ROBO2: variants seen among roughly 807,000 people sequenced by gnomAD.
ROBO2 encodes roundabout guidance receptor 2.
ROBO2 carries 53 observed loss-of-function variants against 160.8 expected under a neutral mutation model. The ratio of observed to expected loss-of-function variants is 0.33; its 90% confidence interval spans 0.26 to 0.41. The LOEUF is 0.41. Ranked by LOEUF, ROBO2 falls within the 10% of genes least tolerant of loss-of-function variation. The pLI, the probability that ROBO2 is intolerant of heterozygous loss-of-function variation, is 1.00. For missense variants in ROBO2, 1,577 were observed against 1,722.4 expected, an observed-to-expected ratio of 0.92 and a Z score of 1.49; for synonymous variants, 664 against 611.7, an observed-to-expected ratio of 1.09 and a Z score of -1.26.
At chr3:77,214,616 G>A (rs2084668630) in intron 2 of ROBO2, among the ~76,000 whole-genome samples, 1 of 152,184 alleles carries the variant, frequency 6.6e-6, no homozygotes, top group African/African-American at 2.4e-5. Flanking sequence ...ATTTGAACCT[G>A]TCATTATGAT....
intron 7 of ROBO2, among the ~76,000 whole-genome samples, chr3:77,549,195 A>G (rs934204205): frequency 5.3e-5 from 8 of 151,924 alleles, no homozygotes; most frequent in Non-Finnish European, 1.2e-4. Flanking sequence ...TTTCCATGTC[A>G]ACGAATCATT....
chr3:76,579,108 T>C (rs145817709), intron 2 of ROBO2, among the ~76,000 whole-genome samples: 4,509 of 152,204 alleles, frequency 0.03, 80 homozygotes, highest in Non-Finnish European at 0.042. Context: ...CTCCCTATAT[T>C]TTCTTTTATA....
chr3:76,657,819 G>A (rs1207988435), intron 2 of ROBO2, among the ~76,000 whole-genome samples: 1 of 147,624 alleles, frequency 6.8e-6, no homozygotes, highest in East Asian at 2.0e-4. Flanking sequence ...TATATATAGT[G>A]TGTATATATA....
intron 1 of ROBO2, among the ~76,000 whole-genome samples, chr3:77,093,623 G>A (rs1001553133): frequency 6.6e-6 from 1 of 152,084 alleles, no homozygotes; most frequent in East Asian, 1.9e-4. Flanking sequence ...TGGGTCCATC[G>A]TAAAGACCAC....
intron 2 of ROBO2, among the ~76,000 whole-genome samples, chr3:77,004,915 A>C (rs993626676): frequency 2.0e-5 from 3 of 152,108 alleles, no homozygotes; most frequent in Admixed American, 1.3e-4. Flanking sequence ...CCAAGGAAGA[A>C]AATGTGGTCA....
At chr3:77,204,553 GT>G (rs1259730997) in intron 2 of ROBO2, among the ~76,000 whole-genome samples, 2 of 151,964 alleles carry the variant, frequency 1.3e-5, no homozygotes, top group Admixed American at 1.3e-4. Context: ...ATATGTTTAA[GT>G]TTGTATTTTG....
intron 2 of ROBO2, among the ~76,000 whole-genome samples, chr3:77,461,046 C>A (rs1207981949): frequency 6.6e-6 from 1 of 151,932 alleles, no homozygotes; most frequent in Non-Finnish European, 1.5e-5. Flanking sequence ...TTTTCAATTA[C>A]TAATAAACAC....
chr3:76,076,195 A>G (rs1029764802), intron 2 of ROBO2, among the ~76,000 whole-genome samples: 2 of 152,166 alleles, frequency 1.3e-5, no homozygotes, highest in Non-Finnish European at 2.9e-5. Context: ...TTTGAGATCA[A>G]TTGCATCCAT....
At chr3:77,229,287 T>C (rs1447542630) in intron 2 of ROBO2, among the ~76,000 whole-genome samples, 1 of 151,940 alleles carries the variant, frequency 6.6e-6, no homozygotes, top group African/African-American at 2.4e-5. Context: ...CTCCCCAGAG[T>C]AGTATTAATA....
intron 1 of ROBO2, among the ~76,000 whole-genome samples, chr3:77,085,175 C>T (rs2069141051): frequency 1.3e-5 from 2 of 152,082 alleles, no homozygotes; most frequent in African/African-American, 4.8e-5. Context: ...TTTGCATAGC[C>T]TTACTACAGT....
intron 2 of ROBO2, among the ~76,000 whole-genome samples, chr3:77,194,860 T>G (rs2082173042): frequency 6.6e-6 from 1 of 152,152 alleles, no homozygotes. Flanking sequence ...TTTGTAATAT[T>G]TTATTTCTAT....
chr3:76,274,853 G>T (rs1353578203), intron 2 of ROBO2, among the ~76,000 whole-genome samples: 2 of 145,592 alleles, frequency 1.4e-5, no homozygotes, highest in African/African-American at 5.1e-5. Flanking sequence ...AAAAAAAAAA[G>T]AATGAAAGGA....
At chr3:77,635,879 C>G (rs2095255064) in intron 24 of ROBO2, among the ~76,000 whole-genome samples, 1 of 152,126 alleles carries the variant, frequency 6.6e-6, no homozygotes, top group Non-Finnish European at 1.5e-5. Flanking sequence ...AGATTCCAAA[C>G]AACATAAATT....
chr3:76,021,971 A>G (rs2066588585), intron 2 of ROBO2, among the ~76,000 whole-genome samples: 1 of 151,324 alleles, frequency 6.6e-6, no homozygotes, highest in South Asian at 2.1e-4. Context: ...CCCACAGTAG[A>G]ACTTCTTTCA....
chr3:76,033,730 GA>G (rs750448822), intron 2 of ROBO2, among the ~76,000 whole-genome samples: 1 of 152,168 alleles, frequency 6.6e-6, no homozygotes, highest in Non-Finnish European at 1.5e-5. Context: ...TTTTGGCTGG[GA>G]CAGCTCACCT....
At chr3:76,692,215 C>T (rs1426256478) in intron 2 of ROBO2, among the ~76,000 whole-genome samples, 1 of 152,128 alleles carries the variant, frequency 6.6e-6, no homozygotes, top group African/African-American at 2.4e-5. Flanking sequence ...TGCTTGAGGT[C>T]ACTCAGAATG....
rs568735255 is a variant in ROBO2 at position 77,540,559 on chromosome 3, G to A, written c.935-5779G>A. On this transcript the variant is annotated intron_variant, in intron 6 of 25. Coordinates refer to ENST00000461745, the Ensembl canonical transcript of ROBO2. ...CAGGGAGGGGAACAATACACACTGGGGCCAGTCGGGGGCAGTGGGGGCGCG... is the reference window on the plus strand; with the variant it reads ...CAGGGAGGGGAACAATACACACTGGAGCCAGTCGGGGGCAGTGGGGGCGCG... Among the ~76,000 whole-genome samples, 15 of 152,048 alleles carry A rather than the reference G, an allele frequency of 9.9e-5. No homozygotes were observed. In the South Asian group the frequency reaches 3.1e-3, roughly 32 times the overall value.
chr3:77,190,537 T>A (rs1197056757), intron 2 of ROBO2, among the ~76,000 whole-genome samples: 1 of 151,956 alleles, frequency 6.6e-6, no homozygotes, highest in Admixed American at 6.6e-5. Flanking sequence ...TAGTGTAACT[T>A]TTTTTACGAG....
chr3:76,713,651 T>G (rs1345140666), intron 2 of ROBO2, among the ~76,000 whole-genome samples: 1 of 152,208 alleles, frequency 6.6e-6, no homozygotes, highest in African/African-American at 2.4e-5. Flanking sequence ...AAGTTTTTCT[T>G]GCATTAACTT....
Sources: gnomAD v4.1 joint callset for allele counts (sites outside exome capture counted in the v4.1 genomes callset) on GRCh38, gnomAD v4.1.1 for gene constraint, MANE v1.5 for transcripts, NCBI Gene and HGNC (gene_info 2026-07-23, HGNC 2026-07-21) for gene names.